FNBP1L: variants seen among roughly 807,000 people sequenced by gnomAD.
FNBP1L encodes formin binding protein 1 like, also known as formin-binding protein 1-like.
In FNBP1L, 36 loss-of-function variants were observed where a neutral mutation model predicts 91.2. The observed-to-expected ratio is 0.39, with a 90% CI of 0.30 to 0.52. The LOEUF is 0.52. Ranked by LOEUF, FNBP1L falls within the 20% of genes least tolerant of loss-of-function variation. The pLI is 0.66. For synonymous variants in FNBP1L, 242 were observed against 237.0 expected (o/e 1.02, Z -0.19); for missense variants, 571 against 732.1 (o/e 0.78, Z 2.54).
At chr1:93,513,122 C>T (rs1018095355) in intron 2 of FNBP1L, among the ~76,000 whole-genome samples, 1 of 152,164 alleles carries the variant, frequency 6.6e-6, no homozygotes, top group African/African-American at 2.4e-5. Flanking sequence ...AAACGACCAT[C>T]AGAGAACACT....
chr1:93,504,046 AT>A (rs970584263), intron 2 of FNBP1L, among the ~76,000 whole-genome samples: 3 of 152,176 alleles, frequency 2.0e-5, no homozygotes, highest in Non-Finnish European at 4.4e-5. Flanking sequence ...GCAAGCAGAC[AT>A]CTCTGAATTC....
chr1:93,491,531 A>G (rs1670090311), intron 1 of FNBP1L, among the ~76,000 whole-genome samples: 2 of 152,100 alleles, frequency 1.3e-5, no homozygotes, highest in Non-Finnish European at 2.9e-5. Flanking sequence ...CTAGGACTAC[A>G]GGCATGTGCC....
intron 3 of FNBP1L, 43 bp downstream of exon 3, chr1:93,522,178 A>G (rs1267315267): frequency 1.0e-6 from 1 of 998,656 alleles, no homozygotes; most frequent in Non-Finnish European, 1.4e-6. Context: ...AAAAAATTTA[A>G]AAATACTTAT....
intron 2 of FNBP1L, among the ~76,000 whole-genome samples, chr1:93,516,278 G>T (rs1418003065): frequency 6.6e-6 from 1 of 152,148 alleles, no homozygotes; most frequent in Non-Finnish European, 1.5e-5. Context: ...CATCCTGGAA[G>T]GGGGCACCCG....
At chr1:93,473,119 CTA>C (rs1437662951) in intron 1 of FNBP1L, among the ~76,000 whole-genome samples, 1 of 151,914 alleles carries the variant, frequency 6.6e-6, no homozygotes, top group Non-Finnish European at 1.5e-5. Flanking sequence ...TTAGATTTGT[CTA>C]TTTCTTTTTT....
chr1:93,547,176 A>G (rs890786602), intron 13 of FNBP1L, among the ~76,000 whole-genome samples, 171 bp from the exon 14 acceptor site: 2 of 152,100 alleles, frequency 1.3e-5, no homozygotes, highest in South Asian at 2.1e-4. Context: ...CATTTATACT[A>G]TTTTTTTGAA....
chr1:93,514,285 A>G (rs2101741261), intron 2 of FNBP1L, among the ~76,000 whole-genome samples: 1 of 152,190 alleles, frequency 6.6e-6, no homozygotes, highest in South Asian at 2.1e-4. Context: ...AACAAATGGA[A>G]GAACATTCCA....
At chr1:93,487,141 CT>C (rs1182884427) in intron 1 of FNBP1L, among the ~76,000 whole-genome samples, 3 of 152,174 alleles carry the variant, frequency 2.0e-5, no homozygotes, top group African/African-American at 7.2e-5. Context: ...AGTCTTTTTA[CT>C]ACTTTTAATA....
chr1:93,468,769 C>T (rs1373688562), intron 1 of FNBP1L, among the ~76,000 whole-genome samples: 1 of 152,092 alleles, frequency 6.6e-6, no homozygotes, highest in African/African-American at 2.4e-5. Context: ...TTTTCTTTCT[C>T]TTGGGTATAT....
At chr1:93,455,365 C>T (rs1668625047) in intron 1 of FNBP1L, among the ~76,000 whole-genome samples, 1 of 152,196 alleles carries the variant, frequency 6.6e-6, no homozygotes, top group African/African-American at 2.4e-5. Flanking sequence ...GCTAATGTAT[C>T]TTTTGTAGAG....
chr1:93,544,762 C>T (rs778002046), intron 12 of FNBP1L, among the ~76,000 whole-genome samples: 4 of 152,048 alleles, frequency 2.6e-5, no homozygotes, highest in Non-Finnish European at 4.4e-5. Context: ...TCTTCACTTA[C>T]GATAAAATTG....
intron 5 of FNBP1L, among the ~76,000 whole-genome samples, chr1:93,526,477 C>G (rs1671498668): frequency 6.6e-6 from 1 of 152,174 alleles, no homozygotes; most frequent in African/African-American, 2.4e-5. Context: ...CATTTCACTT[C>G]CAACTATCCC....
chr1:93,480,551 G>A (rs2101707240), intron 1 of FNBP1L, among the ~76,000 whole-genome samples: 1 of 152,062 alleles, frequency 6.6e-6, no homozygotes, highest in South Asian at 2.1e-4. Context: ...GATGACTCTA[G>A]GGGTCCTGTA....
chr1:93,458,676 GAA>G (rs200557879), intron 1 of FNBP1L, among the ~76,000 whole-genome samples: 4,170 of 152,232 alleles, frequency 0.027, 195 homozygotes, highest in African/African-American at 0.095. Flanking sequence ...TCAACAGAGT[GAA>G]AAGACAGCCC....
intron 10 of FNBP1L, among the ~76,000 whole-genome samples, chr1:93,538,552 A>G (rs1557817519): frequency 6.6e-6 from 1 of 151,912 alleles, no homozygotes; most frequent in Non-Finnish European, 1.5e-5. Context: ...AGGTTGAGAA[A>G]TTTTTTTCTT....
chr1:93,524,581 CTTTT>C (rs34173735), intron 5 of FNBP1L, among the ~76,000 whole-genome samples: 10 of 113,392 alleles, frequency 8.8e-5, no homozygotes, highest in Middle Eastern at 5.1e-3. Context: ...TAAGGAGATT[CTTTT>C]TTTTTTTTTT....
In FNBP1L at chr1:93,523,473, G is replaced by A; in HGVS notation, c.324G>A (p.Leu108=). ...AATTAATGAGATATGCTCATGATCT[G>A]AAAACTGAAAGAAAAATGGTAATTC... ...YGELMRYAHD[L]KTERKMHLQE... The change falls in exon 4 of 17, where the codon CTG becomes CTA. Residue 108 remains leucine (L), a synonymous_variant. Coordinates refer to ENST00000271234, the MANE Select transcript of FNBP1L (RefSeq NM_001164473.3). 1 of 1,603,452 alleles carries A rather than the reference G, an allele frequency of 6.2e-7. No homozygotes were observed. The highest frequency in any genetic ancestry group is 1.1e-5 in the South Asian group (1 of 88,318).
intron 1 of FNBP1L, among the ~76,000 whole-genome samples, chr1:93,464,047 A>G (rs538574762): frequency 1.3e-5 from 2 of 152,200 alleles, no homozygotes; most frequent in Non-Finnish European, 2.9e-5. Context: ...CTTCATACCC[A>G]TAAGGGTGGC....
intron 2 of FNBP1L, among the ~76,000 whole-genome samples, chr1:93,510,185 C>T (rs1670778767): frequency 6.6e-6 from 1 of 152,220 alleles, no homozygotes; most frequent in African/African-American, 2.4e-5. Context: ...AAAGCAGTAA[C>T]CTCTGCAGAC....
Sources: allele counts gnomAD v4.1 joint callset (sites outside exome capture counted in the v4.1 genomes callset), GRCh38; gene constraint gnomAD v4.1.1; transcripts MANE v1.5; gene names NCBI Gene and HGNC (gene_info 2026-07-23, HGNC 2026-07-21).